TMTC2: variants seen among roughly 807,000 people sequenced by gnomAD.
TMTC2 encodes protein O-mannosyl-transferase TMTC2.
A neutral mutation model predicts 82.4 loss-of-function variants in TMTC2; 43 were observed. The observed-to-expected ratio is 0.52, with a 90% CI of 0.41 to 0.67. The LOEUF (loss-of-function observed/expected upper bound fraction) is 0.67, where lower values mean the gene tolerates loss of function less well. Ranked by LOEUF, TMTC2 falls within the 30% of genes least tolerant of loss-of-function variation. The pLI is 0.00. For synonymous variants in TMTC2, 408 were observed against 381.9 expected (o/e 1.07, Z -0.80); for missense variants, 919 against 1,012.4 (o/e 0.91, Z 1.25).
chr12:82,852,288 T>C (rs1871019907), intron 1 of TMTC2, among the ~76,000 whole-genome samples: 1 of 151,856 alleles, frequency 6.6e-6, no homozygotes, highest in African/African-American at 2.4e-5. Context: ...TGTGTGTTTT[T>C]AGTAGAGACA....
At chr12:82,882,288 C>G (rs1488410518) in intron 2 of TMTC2, among the ~76,000 whole-genome samples, 2 of 152,070 alleles carry the variant, frequency 1.3e-5, no homozygotes, top group Admixed American at 1.3e-4. Flanking sequence ...CGTGAGCCAC[C>G]GCGCCCGGCC....
intron 4 of TMTC2, among the ~76,000 whole-genome samples, chr12:82,931,958 T>G (rs1238700327): frequency 6.6e-6 from 1 of 152,082 alleles, no homozygotes; most frequent in Non-Finnish European, 1.5e-5. Context: ...TGGAATGGAA[T>G]GGAGGCAAAA....
chr12:82,779,056 AT>A (rs1289777162), intron 1 of TMTC2, among the ~76,000 whole-genome samples: 5 of 148,172 alleles, frequency 3.4e-5, no homozygotes, highest in East Asian at 1.9e-4. Flanking sequence ...AAAAAAAAAA[AT>A]CTCACACAGC....
chr12:82,753,326 C>CTTT (rs541318020), intron 1 of TMTC2, among the ~76,000 whole-genome samples: 8,784 of 129,334 alleles, frequency 0.068, 300 homozygotes, highest in Middle Eastern at 0.16. Context: ...AACATAATGG[C>CTTT]TTTTTTTTTT....
At chr12:83,061,918 T>C (rs969896956) in intron 11 of TMTC2, 87 bp downstream of exon 11, 1 of 1,058,740 alleles carries the variant, frequency 9.4e-7, no homozygotes, top group Non-Finnish European at 1.3e-6. Flanking sequence ...TACTGGTTTT[T>C]TGTTTTTTGT....
At chr12:83,021,748 A>T (rs1016850795) in intron 8 of TMTC2, 9 of 152,192 alleles carry the variant, frequency 5.9e-5, no homozygotes, top group Admixed American at 5.2e-4. Context: ...TAAGCTGTGG[A>T]GTATTAACCT....
At chr12:82,765,579 C>G (rs1200837999) in intron 1 of TMTC2, among the ~76,000 whole-genome samples, 1 of 152,062 alleles carries the variant, frequency 6.6e-6, no homozygotes, top group Admixed American at 6.5e-5. Context: ...GAGGCTAAGG[C>G]AGGAGAATCA....
chr12:82,908,272 G>A (rs1263501197), intron 3 of TMTC2, among the ~76,000 whole-genome samples: 2 of 151,996 alleles, frequency 1.3e-5, no homozygotes, highest in Non-Finnish European at 2.9e-5. Flanking sequence ...AATATTACCA[G>A]TGTCTTTGAG....
At chr12:82,924,268 G>A (rs750846625) in intron 3 of TMTC2, among the ~76,000 whole-genome samples, 1 of 152,202 alleles carries the variant, frequency 6.6e-6, no homozygotes, top group Non-Finnish European at 1.5e-5. Flanking sequence ...TGATTTGGAA[G>A]AGAGTCTAAG....
chr12:83,056,116 A>C (rs1882533959), intron 10 of TMTC2, among the ~76,000 whole-genome samples: 1 of 152,044 alleles, frequency 6.6e-6, no homozygotes, highest in South Asian at 2.1e-4. Context: ...ATAAATGCTC[A>C]GTAGTGAGGG....
intron 2 of TMTC2, among the ~76,000 whole-genome samples, chr12:82,864,323 G>T (rs1871705089): frequency 6.6e-6 from 1 of 151,868 alleles, no homozygotes; most frequent in Non-Finnish European, 1.5e-5. Flanking sequence ...GGAGCCTAGG[G>T]ATACGCAGGT....
intron 1 of TMTC2, among the ~76,000 whole-genome samples, chr12:82,733,004 A>T (rs1371315589): frequency 1.3e-5 from 2 of 152,238 alleles, no homozygotes; most frequent in African/African-American, 2.4e-5. Context: ...ATAGGCATTG[A>T]CTAATATATA....
chr12:83,013,218 G>A (rs1028325772), intron 8 of TMTC2, among the ~76,000 whole-genome samples: 1 of 152,018 alleles, frequency 6.6e-6, no homozygotes, highest in Admixed American at 6.6e-5. Flanking sequence ...TTTTAATAAT[G>A]ATATTGTAGA....
chr12:83,091,379 T>A (rs746017106), intron 11 of TMTC2, among the ~76,000 whole-genome samples: 7 of 152,218 alleles, frequency 4.6e-5, no homozygotes, highest in Non-Finnish European at 8.8e-5. Flanking sequence ...TTTTGCATAT[T>A]TCCTTACATA....
At chr12:82,749,899 G>A (rs1002363260) in intron 1 of TMTC2, among the ~76,000 whole-genome samples, 8 of 151,872 alleles carry the variant, frequency 5.3e-5, no homozygotes, top group Non-Finnish European at 8.8e-5. Flanking sequence ...CACCACGCCC[G>A]CATAATTTTT....
intron 11 of TMTC2, among the ~76,000 whole-genome samples, chr12:83,122,486 A>G (rs978052667): frequency 4.6e-5 from 7 of 152,114 alleles, no homozygotes; most frequent in African/African-American, 1.4e-4. Context: ...GCAAGTGTAC[A>G]GAGCTTTTTT....
intron 1 of TMTC2, among the ~76,000 whole-genome samples, chr12:82,725,059 G>A (rs1202517735): frequency 6.6e-6 from 1 of 151,872 alleles, no homozygotes; most frequent in Non-Finnish European, 1.5e-5. Context: ...TCTAGCAGTA[G>A]GAGAGTAAGA....
chr12:82,697,800 G>C (rs1003267973), intron 1 of TMTC2, among the ~76,000 whole-genome samples: 2 of 152,124 alleles, frequency 1.3e-5, no homozygotes, highest in Admixed American at 6.5e-5. Flanking sequence ...GCTCAAGTAG[G>C]TGCTGATGCC....
chr12:82,766,000 G>A (rs1015065457), intron 1 of TMTC2, among the ~76,000 whole-genome samples: 11 of 152,058 alleles, frequency 7.2e-5, no homozygotes, highest in Non-Finnish European at 1.5e-4. Flanking sequence ...AACGTGTATT[G>A]CCATTTTAAG....
Sources: gnomAD v4.1 joint callset for allele counts (sites outside exome capture counted in the v4.1 genomes callset) on GRCh38, gnomAD v4.1.1 for gene constraint, MANE v1.5 for transcripts, NCBI Gene and HGNC (gene_info 2026-07-23, HGNC 2026-07-21) for gene names.